The following LRP5 variants were observed in gnomAD, a reference collection of about 807,000 sequenced individuals.
The protein encoded by LRP5 is low-density lipoprotein receptor-related protein 5.
In LRP5, 62 loss-of-function variants were observed where a neutral mutation model predicts 154.1. The ratio of observed to expected loss-of-function variants is 0.40; its 90% CI spans 0.33 to 0.50. LRP5 has a LOEUF of 0.50. Among genes scored for constraint, LRP5 ranks in the 20% least tolerant of loss-of-function variants. The pLI is 0.55. For missense variants in LRP5, 1,915 were observed against 2,336.7 expected (o/e 0.82, Z 3.72); for synonymous variants, 966 against 1,011.5 (o/e 0.96, Z 0.85).
chr11:68,311,682 A>C (rs1460614340), upstream of LRP5, among the ~76,000 whole-genome samples: 1 of 152,248 alleles, frequency 6.6e-6, no homozygotes, highest in Non-Finnish European at 1.5e-5. Flanking sequence ...ACGGGCACTC[A>C]GTTCTGTGAG....
intron 5 of LRP5, among the ~76,000 whole-genome samples, chr11:68,365,963 G>C (rs2098630841): frequency 6.6e-6 from 1 of 152,102 alleles, no homozygotes; most frequent in Non-Finnish European, 1.5e-5. Context: ...TCTCCGCCTT[G>C]GTCCTCAGGC....
chr11:68,312,763 CTGCTGCTGCTGG>C lies in LRP5; in HGVS notation c.50_61del (p.Leu17_Ala21delinsPro). The C allele has an allele frequency of 9.1e-7, 1 of 1,092,930 alleles. No homozygotes were observed. Among genetic ancestry groups the C allele is most frequent in the Non-Finnish European group, 1.1e-6 (1 of 894,026 alleles). 67.7% of individuals were successfully genotyped at this position (1,092,930 alleles called of 1,614,324 possible). A position where few individuals can be genotyped will look rare whatever the true frequency, so the allele number is the denominator to read the frequency against. On this transcript the variant is annotated inframe_deletion, in exon 1 of 23. Coordinates refer to ENST00000294304, the MANE Select transcript of LRP5 (RefSeq NM_002335.4). Reference sequence around the variant, plus strand: ...GCCGTGGCCGCTGCTGCTGCTGCTGCTGCTGCTGCTGGCGCTGTGCGGCTGCCCGGCCCCCGC... The same window carrying C: ...GCCGTGGCCGCTGCTGCTGCTGCTGCCGCTGTGCGGCTGCCCGGCCCCCGC...
At chr11:68,396,414 C>T (rs1408023129) in intron 7 of LRP5, among the ~76,000 whole-genome samples, 7 of 151,796 alleles carry the variant, frequency 4.6e-5, no homozygotes, top group Admixed American at 3.9e-4. Context: ...TGGAGCTGGG[C>T]GCTAGGAGGA....
chr11:68,371,632 G>A (rs1333099834), intron 5 of LRP5, among the ~76,000 whole-genome samples: 1 of 152,266 alleles, frequency 6.6e-6, no homozygotes, highest in Non-Finnish European at 1.5e-5. Flanking sequence ...CGTGCGCCCG[G>A]CGGGCATGAA....
chr11:68,414,716 C>T (rs2098661536), intron 12 of LRP5, among the ~76,000 whole-genome samples: 1 of 152,200 alleles, frequency 6.6e-6, no homozygotes, highest in African/African-American at 2.4e-5. Context: ...TTATAAAGCT[C>T]TTTGTCATCC....
intron 7 of LRP5, among the ~76,000 whole-genome samples, chr11:68,403,194 G>A (rs1301851392): frequency 1.3e-5 from 2 of 152,286 alleles, no homozygotes; most frequent in African/African-American, 4.8e-5. Context: ...GCAGTGAGCC[G>A]AGATCTTGCC....
At chr11:68,347,404 G>T (rs2098614016) in intron 1 of LRP5, among the ~76,000 whole-genome samples, 1 of 152,198 alleles carries the variant, frequency 6.6e-6, no homozygotes, top group African/African-American at 2.4e-5. Flanking sequence ...TGGCCCTGTG[G>T]CTGGGTCTGT....
chr11:68,353,454 G>C lies in LRP5; in HGVS notation c.489-4196G>C, dbSNP rs1052795941. Among the ~76,000 whole-genome samples the C allele has an allele frequency of 6.6e-6, 1 of 151,622 alleles. No individual in the cohort carries two copies. The highest frequency in any genetic ancestry group is 1.5e-5 in the Non-Finnish European group (1 of 67,998). On this transcript the variant is annotated intron_variant, in intron 2 of 22. Coordinates refer to ENST00000294304, the MANE Select transcript of LRP5 (RefSeq NM_002335.4). This position sits in a 1 kb window ranked among gnomAD's most constrained non-coding sequence, Gnocchi z 4.5. ...GTCTCCGGAGAGGGAGAGGGAGAGG[G>C]AGAGGATTCCAGCCTGTCACAGCGC... is the stretch of plus-strand genomic sequence containing the variant.
the LRP5 span, among the ~76,000 whole-genome samples, chr11:68,299,585 C>CTT: frequency 1.0e-4 from 12 of 115,040 alleles, no homozygotes; most frequent in Non-Finnish European, 1.5e-4. Context: ...AAGGGCCAGT[C>CTT]TTTTTTTTTT....
At chr11:68,364,142 G>A (rs143908098) in intron 4 of LRP5, among the ~76,000 whole-genome samples, 199 bp downstream of exon 4, 1 of 151,592 alleles carries the variant, frequency 6.6e-6, no homozygotes, top group Non-Finnish European at 1.5e-5. Flanking sequence ...ATGGAGGGAG[G>A]TGTGTGGCTG....
chr11:68,429,217 C>T (rs1489278411), intron 16 of LRP5, among the ~76,000 whole-genome samples: 1 of 151,872 alleles, frequency 6.6e-6, no homozygotes, highest in Non-Finnish European at 1.5e-5. Flanking sequence ...CGCACCACTG[C>T]CCTCCAGCCT....
intron 22 of LRP5, among the ~76,000 whole-genome samples, chr11:68,448,096 A>G (rs1471066976): frequency 1.3e-5 from 2 of 152,236 alleles, no homozygotes; most frequent in Non-Finnish European, 2.9e-5. Context: ...GGAGCAAGTC[A>G]CATCTTACAT....
rs373906355 is a variant in LRP5, at chr11:68,425,131, G to A, written c.3266G>A (p.Arg1089Gln). The A allele has an allele frequency of 3.9e-5, 63 of 1,613,604 alleles. No homozygotes were observed. Among genetic ancestry groups the A allele is most frequent in the Admixed American group, 1.7e-4 (10 of 60,004 alleles). ...CTGTACTTCACCAACATGCAGGACCGGGCAGCCAAGATCGAACGCGCAGCC... is the reference window on the plus strand; with the variant it reads ...CTGTACTTCACCAACATGCAGGACCAGGCAGCCAAGATCGAACGCGCAGCC... ...GYLYFTNMQDRAAKIERAALD... is the reference protein window; with the variant it reads ...GYLYFTNMQDQAAKIERAALD... Residue 1089 changes from arginine to glutamine, a missense_variant, in exon 15 of 23, where the codon CGG (arginine) becomes CAG (glutamine). Around this residue, in one of 3 missense-constraint regions of LRP5, gnomAD observed 1,094 missense variants for 1,210.1 expected, o/e 0.90. Coordinates refer to ENST00000294304, the MANE Select transcript of LRP5 (RefSeq NM_002335.4).
At position 68,386,295 on chromosome 11, in the gene LRP5, C is replaced by T; in HGVS notation, c.1016-21C>T. The T allele has an allele frequency of 6.2e-7, 1 of 1,609,506 alleles. No homozygotes were observed. The highest frequency in any genetic ancestry group is 1.1e-5 in the South Asian group (1 of 91,072). On this transcript the variant is annotated intron_variant, in intron 5 of 22. Coordinates refer to ENST00000294304, the MANE Select transcript of LRP5 (RefSeq NM_002335.4). This position sits in a 1 kb window ranked among gnomAD's most constrained non-coding sequence, Gnocchi z 7.9. Reference sequence around the variant, plus strand: ...TGCTGCAGGCCCTTGACCCCTGACCCCATTGCACCTGTCTCCACAGGAGCC... The same window carrying T: ...TGCTGCAGGCCCTTGACCCCTGACCTCATTGCACCTGTCTCCACAGGAGCC...
At chr11:68,325,118 C>G (rs2098598928) in intron 1 of LRP5, among the ~76,000 whole-genome samples, 1 of 152,172 alleles carries the variant, frequency 6.6e-6, no homozygotes, top group South Asian at 2.1e-4. Flanking sequence ...CCCTGGAGCC[C>G]CTGACCAAGG....
intron 14 of LRP5, among the ~76,000 whole-genome samples, chr11:68,424,246 C>T (rs1565101598): frequency 2.0e-5 from 3 of 152,264 alleles, no homozygotes; most frequent in East Asian, 1.9e-4. Context: ...GGGACAGGAG[C>T]GCGATGGCCT....
At chr11:68,395,055 C>G (rs897255992) in intron 7 of LRP5, among the ~76,000 whole-genome samples, 2 of 152,148 alleles carry the variant, frequency 1.3e-5, no homozygotes, top group African/African-American at 4.8e-5. Context: ...AATCCCAACA[C>G]TTTGGAAAGC....
At chr11:68,332,376 C>G (rs1591184229) in intron 1 of LRP5, among the ~76,000 whole-genome samples, 1 of 152,348 alleles carries the variant, frequency 6.6e-6, no homozygotes, top group South Asian at 2.1e-4. Context: ...GGTGCTCGGC[C>G]CCAGCACCCG....
chr11:68,323,345 T>C (rs2098597826), intron 1 of LRP5, among the ~76,000 whole-genome samples: 1 of 152,098 alleles, frequency 6.6e-6, no homozygotes, highest in Non-Finnish European at 1.5e-5. Flanking sequence ...CTGACTCAGG[T>C]GATCCACTTG....
Sources: gnomAD v4.1 joint callset for allele counts (sites outside exome capture counted in the v4.1 genomes callset) on GRCh38, gnomAD v4.1.1 for gene constraint, gnomAD v4.1.1 regional missense constraint, Gnocchi (gnomAD v3.1) non-coding constraint, MANE v1.5 for transcripts, NCBI Gene and HGNC (gene_info 2026-07-23, HGNC 2026-07-21) for gene names.